The following VRK2 variants were observed in gnomAD, a reference collection of about 807,000 sequenced individuals.
VRK2 encodes the protein VRK serine/threonine kinase 2.
VRK2 carries 60 observed loss-of-function variants against 57.6 expected under a neutral mutation model. That is an observed-to-expected ratio of 1.04 (90% CI 0.85 to 1.29). The LOEUF (loss-of-function observed/expected upper bound fraction) is 1.29. VRK2 is among the 50% of genes most tolerant of loss of function. VRK2 has a pLI of 0.00. For synonymous variants in VRK2, 231 were observed against 199.2 expected (o/e 1.16, Z -1.35); for missense variants, 705 against 588.1 (o/e 1.20, Z -2.06).
At chr2:57,941,653 T>C (rs561702105) in intron 1 of VRK2, among the ~76,000 whole-genome samples, 1 of 152,360 alleles carries the variant, frequency 6.6e-6, no homozygotes, top group Non-Finnish European at 1.5e-5. Context: ...GTCTTAAATA[T>C]GAATATTATT....
chr2:58,090,789 C>T (rs539989266), intron 7 of VRK2, among the ~76,000 whole-genome samples: 3 of 152,176 alleles, frequency 2.0e-5, no homozygotes, highest in Admixed American at 2.0e-4. Flanking sequence ...TCATACTCGT[C>T]AAAACATTGA....
intron 11 of VRK2, among the ~76,000 whole-genome samples, chr2:58,141,188 G>A (rs896515053): frequency 1.3e-5 from 2 of 151,942 alleles, no homozygotes; most frequent in Non-Finnish European, 2.9e-5. Flanking sequence ...TTTCCTTGAC[G>A]TAGTATTTTC....
At chr2:57,947,876 CTCTCTT>C in intron 1 of VRK2, among the ~76,000 whole-genome samples, 1 of 152,160 alleles carries the variant, frequency 6.6e-6, no homozygotes. Flanking sequence ...TTCCTTTTCT[CTCTCTT>C]TCTCTTCAGC....
chr2:57,988,499 G>C (rs1672667505), intron 1 of VRK2, among the ~76,000 whole-genome samples: 1 of 152,198 alleles, frequency 6.6e-6, no homozygotes, highest in African/African-American at 2.4e-5. Context: ...ATTTGAATCA[G>C]TAGACTAAGC....
chr2:58,000,578 A>ATTTT (rs1484245384), intron 1 of VRK2, among the ~76,000 whole-genome samples: 22 of 152,196 alleles, frequency 1.4e-4, no homozygotes, highest in Non-Finnish European at 3.2e-4. Flanking sequence ...CTATTTATTT[A>ATTTT]TTCATTTATT....
intron 12 of VRK2, among the ~76,000 whole-genome samples, chr2:58,152,623 C>A (rs1353014449): frequency 6.6e-6 from 1 of 151,842 alleles, no homozygotes; most frequent in Non-Finnish European, 1.5e-5. Context: ...TAACATTTAT[C>A]ATAGTATATA....
chr2:58,133,296 CT>C (rs1321461696), intron 9 of VRK2, among the ~76,000 whole-genome samples: 1 of 152,048 alleles, frequency 6.6e-6, no homozygotes, highest in Non-Finnish European at 1.5e-5. Flanking sequence ...AGCATAACTT[CT>C]ATTTACATTT....
upstream of VRK2, among the ~76,000 whole-genome samples, chr2:58,043,888 T>C (rs1157031847): frequency 6.6e-6 from 1 of 152,240 alleles, no homozygotes; most frequent in Non-Finnish European, 1.5e-5. Context: ...CTTATTAGTA[T>C]TTTTTGAAAA....
chr2:58,148,521 TC>T (rs1434936826), intron 12 of VRK2, among the ~76,000 whole-genome samples: 2 of 151,844 alleles, frequency 1.3e-5, no homozygotes, highest in Non-Finnish European at 2.9e-5. Context: ...TATTTGAAGT[TC>T]AATTTATCAA....
intron 1 of VRK2, among the ~76,000 whole-genome samples, chr2:57,953,334 C>A (rs776882271): frequency 6.6e-5 from 10 of 152,246 alleles, no homozygotes; most frequent in African/African-American, 9.6e-5. Flanking sequence ...CATAACATAT[C>A]TTTATGATGG....
At chr2:58,013,846 G>A (rs1400266057) in intron 1 of VRK2, among the ~76,000 whole-genome samples, 3 of 111,424 alleles carry the variant, frequency 2.7e-5, no homozygotes, top group Admixed American at 1.2e-4. Flanking sequence ...GCGACAGAAC[G>A]AGACTCCGTC....
At chr2:57,989,515 T>C (rs184202252) in intron 1 of VRK2, among the ~76,000 whole-genome samples, 2 of 152,280 alleles carry the variant, frequency 1.3e-5, no homozygotes, top group East Asian at 3.9e-4. Context: ...TCTATAAATA[T>C]TTTGTGGTTT....
At chr2:58,075,321 TA>T (rs1272236353) in intron 2 of VRK2, among the ~76,000 whole-genome samples, 1 of 152,146 alleles carries the variant, frequency 6.6e-6, no homozygotes, top group Non-Finnish European at 1.5e-5. Flanking sequence ...TGATCTTTGC[TA>T]TTGTGAATGG....
intron 2 of VRK2, among the ~76,000 whole-genome samples, chr2:58,071,988 T>G (rs1669422242): frequency 2.0e-5 from 3 of 151,996 alleles, no homozygotes; most frequent in African/African-American, 7.2e-5. Flanking sequence ...TTTGTATGTA[T>G]TTTGTTATAT....
chr2:58,081,101 A>T (rs1670800528), intron 2 of VRK2, among the ~76,000 whole-genome samples: 1 of 151,972 alleles, frequency 6.6e-6, no homozygotes, highest in African/African-American at 2.4e-5. Context: ...ATTGATATCA[A>T]ATTCATGGCC....
chr2:58,097,874 G>C (rs1458448027), intron 7 of VRK2, among the ~76,000 whole-genome samples: 1 of 151,634 alleles, frequency 6.6e-6, no homozygotes, highest in Admixed American at 6.6e-5. Flanking sequence ...TATTATTTTA[G>C]AGTATATTCC....
At chr2:58,051,387 C>T (rs976059307) in intron 2 of VRK2, among the ~76,000 whole-genome samples, 2 of 151,584 alleles carry the variant, frequency 1.3e-5, no homozygotes, top group Non-Finnish European at 3.0e-5. Flanking sequence ...GTAACTGTTC[C>T]ATTAAAAGTG....
In VRK2 at chr2:57,922,764, A is replaced by G. The variant is rs561862531; in HGVS notation, c.-439+14925A>G. Among the ~76,000 whole-genome samples, 48 of 151,876 alleles carry G rather than the reference A, an allele frequency of 3.2e-4. No homozygotes were observed. In the East Asian group the frequency reaches 9.3e-3, roughly 29 times the overall value. ...CGATACAAACAATCCAATTATACTT[A>G]TAGTTATTTTTAATACATAATAAAT... On this transcript the variant is annotated intron_variant, in intron 1 of 15. Coordinates refer to the VRK2 transcript ENST00000417641.
chr2:58,031,114 A>G (rs769540006), intron 2 of VRK2, among the ~76,000 whole-genome samples: 1 of 152,040 alleles, frequency 6.6e-6, no homozygotes, highest in Non-Finnish European at 1.5e-5. Context: ...GTATGATAAC[A>G]TACTTGTTAC....
Sources: gnomAD v4.1 joint callset for allele counts (sites outside exome capture counted in the v4.1 genomes callset) on GRCh38, gnomAD v4.1.1 for gene constraint, MANE v1.5 for transcripts, NCBI Gene and HGNC (gene_info 2026-07-23, HGNC 2026-07-21) for gene names.